ZNF555: variants seen among roughly 807,000 people sequenced by gnomAD.
ZNF555 encodes zinc finger protein 555.
Under a neutral mutation model 14.0 loss-of-function variants are expected in ZNF555, and 10 were observed. That is an observed-to-expected ratio of 0.72 (90% CI 0.44 to 1.21). The LOEUF (loss-of-function observed/expected upper bound fraction) is 1.21. Among genes scored for constraint, ZNF555 ranks in the 50% most tolerant of loss-of-function variants. ZNF555 has a pLI of 0.00. For synonymous variants in ZNF555, 277 were observed against 262.4 expected (o/e 1.06, Z -0.54); for missense variants, 747 against 762.0 (o/e 0.98, Z 0.23).
chr19:2,844,259 C>T (rs1252959333), intron 1 of ZNF555, among the ~76,000 whole-genome samples: 2 of 152,100 alleles, frequency 1.3e-5, no homozygotes, highest in Admixed American at 6.6e-5. Context: ...TCCGCCACCA[C>T]GCCCAGCTAA....
In ZNF555 at chr19:2,856,384, T is replaced by G. The variant is rs1034521374; in HGVS notation, c.*2432T>G. The stretch of plus-strand genomic sequence containing the variant: ...CACACCCAGCTAATTTTTTTATTTT[T>G]GGTAGAGATGGGGTTTCACCATGTT... On this transcript the variant is annotated 3_prime_UTR_variant, in exon 4 of 4. Transcript: ENST00000334241. The G allele has an allele frequency of 1.3e-5, 2 of 152,042 alleles. No homozygotes were observed. The highest frequency in any genetic ancestry group is 2.9e-5 in the Non-Finnish European group (2 of 68,022). 9.4% of individuals were successfully genotyped at this position (152,042 alleles called of 1,614,324 possible). A position where few individuals can be genotyped will look rare whatever the true frequency, so the allele number is the denominator to read the frequency against.
Position 2,850,696 on chromosome 19 carries a change from A to G in ZNF555, c.113A>G (p.Gln38Arg), listed in dbSNP as rs2087621693. 1 of 1,613,760 alleles carries G rather than the reference A, an allele frequency of 6.2e-7. No individual in the cohort carries two copies. The highest frequency in any genetic ancestry group is 8.5e-7 in the Non-Finnish European group (1 of 1,179,752). ...AGAGATGTGATGCTGGAGACCTTTC[A>G]GAACCTGGCCTCAGTAGGTAAGGAT... ...LYRDVMLETF[Q>R]NLASVDDETQ... The change falls in exon 2 of 4, where the codon CAG becomes CGG. Residue 38 changes from glutamine (Q) to arginine (R), a missense_variant. Physicochemically the swap from Gln to Arg is conservative, Grantham distance 43. Coordinates refer to ENST00000334241, the MANE Select transcript of ZNF555 (RefSeq NM_152791.5).
chr19:2,854,034 C>G lies in ZNF555; in HGVS notation c.*82C>G. On this transcript the variant is annotated 3_prime_UTR_variant, in exon 4 of 4. Coordinates refer to ENST00000334241, the MANE Select transcript of ZNF555 (RefSeq NM_152791.5). ...AAACATTTAGTTGAAAAATAATTCT[C>G]CAAATACTCTCAGCTATCCTACATG... is the stretch of plus-strand genomic sequence containing the variant. 1.3e-6 allele frequency: 2 copies of G among 1,520,212 alleles called. No homozygotes were observed. Among genetic ancestry groups the G allele is most frequent in the Non-Finnish European group, 1.8e-6 (2 of 1,117,316 alleles). The allele number at this position is 1,520,212 out of a possible 1,614,324, so 94.2% of individuals were successfully genotyped here. A position where few individuals can be genotyped will look rare whatever the true frequency, so the allele number is the denominator to read the frequency against.
Position 2,852,339 on chromosome 19 carries a change from A to G in ZNF555, c.315-41A>G, listed in dbSNP as rs1053927173. 9 of 1,609,826 alleles carry G rather than the reference A, an allele frequency of 5.6e-6. No homozygotes were observed. In the African/African-American group the frequency reaches 1.1e-4, roughly 19 times the overall value. ...TCCTAATCCTAATAAATACTAACAA[A>G]TCATTATTAATCAAACCAATAACAT... On this transcript the variant is annotated intron_variant, in intron 3 of 3. Coordinates refer to ENST00000334241, the MANE Select transcript of ZNF555 (RefSeq NM_152791.5).
At chr19:2,841,665 G>C (rs934617486) in intron 1 of ZNF555, 90 bp downstream of exon 1, 221 of 1,369,484 alleles carry the variant, frequency 1.6e-4, no homozygotes, top group Non-Finnish European at 2.0e-4. Flanking sequence ...TGAGGGACGC[G>C]GGGGGCGGCC....
chr19:2,848,187 T>C (rs1394631392), intron 1 of ZNF555, among the ~76,000 whole-genome samples: 3 of 151,612 alleles, frequency 2.0e-5, no homozygotes, highest in African/African-American at 7.3e-5. Flanking sequence ...AGTCTGGCTC[T>C]GTCGCCCAGG....
At position 2,844,965 on chromosome 19, in the gene ZNF555, A is replaced by AT. The variant is rs527757941; in HGVS notation, c.3+3397dup. Among the ~76,000 whole-genome samples, 22 of 152,262 alleles carry AT rather than the reference A, an allele frequency of 1.4e-4. 1 individual carries two copies. The highest frequency in any genetic ancestry group is 2.4e-4 in the African/African-American group (10 of 41,536). ...TTCCATTGGCTGCAATGGAATCATT[A>AT]TTTTTTTAATTTCCATTTTTATTTC... is the stretch of plus-strand genomic sequence containing the variant. On this transcript the variant is annotated intron_variant, in intron 1 of 3. Coordinates refer to ENST00000334241, the MANE Select transcript of ZNF555 (RefSeq NM_152791.5).
chr19:2,853,474 A>G lies in ZNF555; in HGVS notation c.1409A>G (p.His470Arg), dbSNP rs772394242. 3 of 1,614,174 alleles carry G rather than the reference A, an allele frequency of 1.9e-6. No homozygotes were observed. Among genetic ancestry groups the G allele is most frequent in the Non-Finnish European group, 2.5e-6 (3 of 1,180,010 alleles). Residue 470 changes from histidine to arginine, a missense_variant, in exon 4 of 4, where the codon CAT becomes CGT. His to Arg is a conservative substitution (Grantham distance 29). Coordinates refer to ENST00000334241, the MANE Select transcript of ZNF555 (RefSeq NM_152791.5). ...AGCTTGTCTGCTTGCTTTCGAGAACATGTGAGAATGCACCCTGAAGACAAA... is the reference window on the plus strand; with the variant it reads ...AGCTTGTCTGCTTGCTTTCGAGAACGTGTGAGAATGCACCCTGAAGACAAA... ...AFSLSACFREHVRMHPEDKSY... is the reference protein window; with the variant it reads ...AFSLSACFRERVRMHPEDKSY...
chr19:2,846,155 A>C (rs2087580517), intron 1 of ZNF555, among the ~76,000 whole-genome samples: 1 of 152,210 alleles, frequency 6.6e-6, no homozygotes, highest in Non-Finnish European at 1.5e-5. Flanking sequence ...ATCATTTTCA[A>C]GCAGTTTTGC....
intron 3 of ZNF555, 62 bp from the exon 4 acceptor site, chr19:2,852,318 A>C (rs2087636954): frequency 1.9e-6 from 3 of 1,596,268 alleles, no homozygotes; most frequent in Admixed American, 3.4e-5. Flanking sequence ...ATGCAGTCCT[A>C]ATCCTAATAA....
rs775121182 is a variant in ZNF555 at position 2,851,528 on chromosome 19, A to T, written c.191A>T (p.Lys64Ile). ...TCTCAGCAGGATATTTATGGAGAGA[A>T]AATACCCAAGGAATCTAAAATAGCC... ...SVSQQDIYGEKIPKESKIATF... is the reference protein window; with the variant it reads ...SVSQQDIYGEIIPKESKIATF... The change falls in exon 3 of 4, where the codon AAA (lysine) becomes ATA (isoleucine). Residue 64 changes from lysine to isoleucine, a missense_variant. By Grantham distance (102) the Lys-to-Ile change is moderately radical (BLOSUM62 -3). Transcript: ENST00000334241. 6.2e-7 allele frequency: 1 copy of T among 1,610,012 alleles called. No homozygotes were observed. The highest frequency in any genetic ancestry group is 8.5e-7 in the Non-Finnish European group (1 of 1,178,988).
chr19:2,853,247 A>G lies in ZNF555; in HGVS notation c.1182A>G (p.Lys394=). Residue 394 remains lysine, a synonymous_variant, in exon 4 of 4, where the codon AAA becomes AAG. Coordinates refer to ENST00000334241, the MANE Select transcript of ZNF555 (RefSeq NM_152791.5). ...RRHERTHGGE[K]PYECNQCGKA... Reference sequence around the variant, plus strand: ...ATGAAAGGACTCATGGTGGAGAGAAACCCTATGAATGCAACCAGTGCGGGA... The same window carrying G: ...ATGAAAGGACTCATGGTGGAGAGAAGCCCTATGAATGCAACCAGTGCGGGA... 1.9e-6 allele frequency: 3 copies of G among 1,613,582 alleles called. No individual in the cohort carries two copies. The African/African-American group carries it at 4.0e-5, about 22-fold the overall frequency.
chr19:2,852,336 C>A, intron 3 of ZNF555, 44 bp from the exon 4 acceptor site: 1 of 1,608,614 alleles, frequency 6.2e-7, no homozygotes, highest in Non-Finnish European at 8.5e-7. Context: ...TAAATACTAA[C>A]AAATCATTAT....
chr19:2,841,713 G>T, intron 1 of ZNF555, 138 bp downstream of exon 1: 2 of 1,093,596 alleles, frequency 1.8e-6, no homozygotes, highest in South Asian at 2.7e-5. Flanking sequence ...CTGGGCCCCG[G>T]GGGTCCCGCC....
At chr19:2,851,687 G>T (rs757633624) in intron 3 of ZNF555, 36 bp downstream of exon 3, 1 of 1,449,522 alleles carries the variant, frequency 6.9e-7, no homozygotes, top group South Asian at 1.6e-5. Flanking sequence ...AGTATTTCAG[G>T]AGAGAATCTT....
chr19:2,848,541 C>A (rs536308899), intron 1 of ZNF555, among the ~76,000 whole-genome samples: 4 of 152,028 alleles, frequency 2.6e-5, no homozygotes, highest in Non-Finnish European at 5.9e-5. Context: ...CTCCACCTCC[C>A]GGGTTCAAGC....
At chr19:2,843,863 TG>T (rs1273896423) in intron 1 of ZNF555, among the ~76,000 whole-genome samples, 2 of 151,954 alleles carry the variant, frequency 1.3e-5, no homozygotes. Context: ...CCCTTTACTT[TG>T]TTTTTTTGTT....
rs150017916 is a variant in ZNF555, at chr19:2,853,206, C to T, written c.1141C>T (p.Gln381Ter). The change falls in exon 4 of 4, where the codon CAG becomes TAG. Residue 381 changes from glutamine to a stop codon, truncating the protein, a stop_gained. Transcript: ENST00000334241. LOFTEE classifies it low-confidence loss of function (END_TRUNC). ...GTGTGGGAAGACCTTCATTTATCCC[C>T]AGTCCTTTCGAAGACATGAAAGGAC... ...KQCGKTFIYPQSFRRHERTHG... is the reference protein window; with the variant it reads ...KQCGKTFIYP 2 of 1,613,422 alleles carry T rather than the reference C, an allele frequency of 1.2e-6. No homozygotes were observed. Among genetic ancestry groups the T allele is most frequent in the Non-Finnish European group, 1.7e-6 (2 of 1,179,856 alleles).
At position 2,852,770 on chromosome 19, in the gene ZNF555, A is replaced by G. The variant is rs2087643410; in HGVS notation, c.705A>G (p.Lys235=). ...EKTYECKQCG[K]AFIDFSSLTS... is the part of the protein sequence containing the mutation. ...CCTACGAATGTAAGCAATGTGGGAA[A>G]GCCTTTATTGACTTCTCAAGTCTTA... Residue 235 remains lysine, a synonymous_variant, in exon 4 of 4, where the codon AAA becomes AAG. Transcript: ENST00000334241. 5 of 1,614,168 alleles carry G rather than the reference A, an allele frequency of 3.1e-6. No individual in the cohort carries two copies. In the East Asian group the frequency reaches 8.9e-5, roughly 29 times the overall value.
Sources: allele counts gnomAD v4.1 joint callset (sites outside exome capture counted in the v4.1 genomes callset), GRCh38; gene constraint gnomAD v4.1.1; transcripts MANE v1.5; gene names NCBI Gene and HGNC (gene_info 2026-07-23, HGNC 2026-07-21).